PEMT: variants seen among roughly 807,000 people sequenced by gnomAD.
PEMT encodes the protein phospholipid methyltransferase.
A neutral mutation model predicts 27.4 loss-of-function variants in PEMT; 23 were observed. The ratio of observed to expected loss-of-function variants is 0.84; its 90% CI spans 0.60 to 1.19. The LOEUF (loss-of-function observed/expected upper bound fraction) is 1.19. Ranked by LOEUF, PEMT falls within the 50% of genes most tolerant of loss-of-function variation. PEMT has a pLI of 0.00. For synonymous variants in PEMT, 137 were observed against 139.1 expected (o/e 0.98, Z 0.11); for missense variants, 307 against 310.1 (o/e 0.99, Z 0.07).
intron 2 of PEMT, among the ~76,000 whole-genome samples, chr17:17,571,152 G>A (rs1327199964): frequency 6.6e-6 from 1 of 151,892 alleles, no homozygotes; most frequent in East Asian, 1.9e-4. Context: ...AAACATATCT[G>A]TGCTCTGGAA....
At chr17:17,576,130 C>T (rs1911569177) in intron 2 of PEMT, among the ~76,000 whole-genome samples, 1 of 152,134 alleles carries the variant, frequency 6.6e-6, no homozygotes, top group Non-Finnish European at 1.5e-5. Context: ...GGAAGCAGCC[C>T]AGAAGCACCC....
intron 1 of PEMT, among the ~76,000 whole-genome samples, chr17:17,578,303 G>C (rs1281782701): frequency 6.6e-6 from 1 of 151,614 alleles, no homozygotes; most frequent in African/African-American, 2.4e-5. Flanking sequence ...ATCACTTGAG[G>C]CCAGGAGTTT....
chr17:17,573,647 A>G (rs1415317097), intron 2 of PEMT, among the ~76,000 whole-genome samples: 1 of 152,168 alleles, frequency 6.6e-6, no homozygotes, highest in African/African-American at 2.4e-5. Flanking sequence ...ATTGTTTCCC[A>G]TCAGGGACCT....
At chr17:17,577,555 G>A (rs1337357328) in intron 1 of PEMT, 14 of 988,748 alleles carry the variant, frequency 1.4e-5, no homozygotes, top group South Asian at 9.2e-5. Context: ...TCCCGGCCAC[G>A]CCACCCGCAT....
rs558714413 is a variant in PEMT, at chr17:17,582,400, C to G, written c.97-5373G>C. ...TGGTAATTTACTCCATTGAGGGGTG[C>G]AGGGTTCTCGGGAGCAGCGCTCTGT... is the stretch of plus-strand genomic sequence containing the variant. On this transcript the variant is annotated intron_variant, in intron 1 of 6. Transcript: ENST00000255389. The surrounding 1 kb of genome is among the most constrained non-coding windows in gnomAD (Gnocchi z 4.9). 1 of 985,476 alleles carries G rather than the reference C, an allele frequency of 1.0e-6. No individual in the cohort carries two copies. The highest frequency in any genetic ancestry group is 1.1e-4 in the East Asian group (1 of 8,816). 61.0% of individuals were successfully genotyped at this position (985,476 alleles called of 1,614,324 possible).
At chr17:17,552,581 T>C (rs1203971765) in intron 2 of PEMT, among the ~76,000 whole-genome samples, 2 of 151,964 alleles carry the variant, frequency 1.3e-5, no homozygotes, top group Non-Finnish European at 2.9e-5. Flanking sequence ...CCATTCCCGG[T>C]TGGGGGGTGT....
chr17:17,544,085 G>A (rs947863130), intron 2 of PEMT, among the ~76,000 whole-genome samples: 8 of 152,018 alleles, frequency 5.3e-5, no homozygotes, highest in Admixed American at 2.0e-4. Flanking sequence ...GGCACTGGAC[G>A]GGGGTCAGGA....
chr17:17,584,309 G>A (rs1479626258), intron 1 of PEMT, among the ~76,000 whole-genome samples: 5 of 152,214 alleles, frequency 3.3e-5, no homozygotes, highest in East Asian at 1.9e-4. Flanking sequence ...ACAGGCGCCC[G>A]CCACCATGCC....
Position 17,574,244 on chromosome 17 carries a change from C to CAA in PEMT, c.204+2674_204+2675dup, listed in dbSNP as rs1158184847. Among the ~76,000 whole-genome samples the CAA allele has an allele frequency of 2.9e-3, 133 of 45,144 alleles. 3 individuals are homozygous for CAA. Among genetic ancestry groups the CAA allele is most frequent in the Admixed American group, 0.011 (38 of 3,452 alleles). The allele number at this position is 45,144 out of a possible 152,430, so 29.6% of individuals were successfully genotyped here. On this transcript the variant is annotated intron_variant, in intron 2 of 6. Transcript: ENST00000255389. ...ATGAGACTAATCAAAAGCTTATGAC[C>CAA]AAAAAAAAAAAAAAAAAAAAACCGT...
chr17:17,530,991 C>T (rs1263114975), intron 2 of PEMT, among the ~76,000 whole-genome samples: 5 of 148,864 alleles, frequency 3.4e-5, no homozygotes, highest in African/African-American at 7.5e-5. Flanking sequence ...TGCAGTGAGC[C>T]GAGATGGTGC....
intron 2 of PEMT, among the ~76,000 whole-genome samples, chr17:17,567,265 G>A (rs1699775745): frequency 6.6e-6 from 1 of 152,228 alleles, no homozygotes; most frequent in South Asian, 2.1e-4. Flanking sequence ...AGCCATCCTG[G>A]CACAGGCTGT....
intron 1 of PEMT, 113 bp from the exon 2 acceptor site, chr17:17,577,140 C>T: frequency 1.3e-6 from 1 of 756,176 alleles, no homozygotes; most frequent in Non-Finnish European, 2.3e-6. Context: ...CTGGGAACAT[C>T]CAAGTCCGGC....
At chr17:17,550,938 TA>T (rs1343138287) in intron 2 of PEMT, among the ~76,000 whole-genome samples, 1 of 152,196 alleles carries the variant, frequency 6.6e-6, no homozygotes, top group Non-Finnish European at 1.5e-5. Flanking sequence ...ATCAACGTTG[TA>T]ACTAAAGGAC....
Position 17,512,544 on chromosome 17 carries a change from C to T in PEMT, c.431G>A (p.Ser144Asn), listed in dbSNP as rs1906490075. 3.1e-6 allele frequency: 5 copies of T among 1,607,682 alleles called. No individual in the cohort carries two copies. The highest frequency in any genetic ancestry group is 4.2e-6 in the Non-Finnish European group (5 of 1,176,908). Reference protein sequence around the residue: ...LGLGVVLVLSSFFALGFAGTF... With the variant: ...LGLGVVLVLSNFFALGFAGTF... The stretch of plus-strand genomic sequence containing the variant: ...TCCAGCGAACCCCAGTGCAAAGAAG[C>T]TGGAGAGCACGAGCACGACGCCCAG... Residue 144 changes from serine (S) to asparagine (N), a missense_variant, in exon 4 of 7, where the codon AGC (serine) becomes AAC (asparagine). Physicochemically the swap from Ser to Asn is conservative, Grantham distance 46 (BLOSUM62 1). Coordinates refer to ENST00000255389, the MANE Select transcript of PEMT (RefSeq NM_148172.3). This position sits in a 1 kb window ranked among gnomAD's most constrained non-coding sequence, Gnocchi z 6.3.
intron 2 of PEMT, among the ~76,000 whole-genome samples, chr17:17,540,636 G>A (rs1165105595): frequency 6.6e-6 from 1 of 152,190 alleles, no homozygotes; most frequent in African/African-American, 2.4e-5. Flanking sequence ...AGAGGCCCCA[G>A]GCAGGCTCCG....
Position 17,513,578 on chromosome 17 carries a change from G to A in PEMT, c.321-924C>T, listed in dbSNP as rs1597873532. Reference sequence around the variant, plus strand: ...AGCCTGGGCAATAGAGCGAGACTTAGTATCAAAAGAAAAAAGAAAAAAAGA... The same window carrying A: ...AGCCTGGGCAATAGAGCGAGACTTAATATCAAAAGAAAAAAGAAAAAAAGA... On this transcript the variant is annotated intron_variant, in intron 3 of 6. Coordinates refer to ENST00000255389, the MANE Select transcript of PEMT (RefSeq NM_148172.3). This position sits in a 1 kb window ranked among gnomAD's most constrained non-coding sequence, Gnocchi z 4.1. Among the ~76,000 whole-genome samples the A allele has an allele frequency of 6.6e-6, 1 of 152,076 alleles. No individual in the cohort carries two copies. Among genetic ancestry groups the A allele is most frequent in the East Asian group, 1.9e-4 (1 of 5,186 alleles).
chr17:17,561,218 C>T lies in PEMT; in HGVS notation c.204+15702G>A, dbSNP rs1455679664. On this transcript the variant is annotated intron_variant, in intron 2 of 6. Coordinates refer to ENST00000255389, the MANE Select transcript of PEMT (RefSeq NM_148172.3). This position sits in a 1 kb window ranked among gnomAD's most constrained non-coding sequence, Gnocchi z 4.5. ...CACATTTTTCAGGCTTCAACTCTGC[C>T]TGGCTCCCTGTGCTGCACACGGAGT... Among the ~76,000 whole-genome samples, 2 of 152,218 alleles carry T rather than the reference C, an allele frequency of 1.3e-5. No homozygotes were observed. The highest frequency in any genetic ancestry group is 3.9e-4 in the East Asian group (2 of 5,176).
At chr17:17,566,690 GAGA>G (rs1364717364) in intron 2 of PEMT, among the ~76,000 whole-genome samples, 2 of 152,230 alleles carry the variant, frequency 1.3e-5, no homozygotes, top group South Asian at 2.1e-4. Context: ...CTGAAGTACG[GAGA>G]AGAACGCGTC....
chr17:17,543,699 A>C (rs1909050424), intron 2 of PEMT, among the ~76,000 whole-genome samples: 1 of 152,020 alleles, frequency 6.6e-6, no homozygotes, highest in Non-Finnish European at 1.5e-5. Context: ...AGTAGCTGGG[A>C]TTATAGGCAT....
Sources: gnomAD v4.1 joint callset for allele counts (sites outside exome capture counted in the v4.1 genomes callset) on GRCh38, gnomAD v4.1.1 for gene constraint, Gnocchi (gnomAD v3.1) non-coding constraint, MANE v1.5 for transcripts, NCBI Gene and HGNC (gene_info 2026-07-23, HGNC 2026-07-21) for gene names.